The following TMEM232 variants were observed in gnomAD, a reference collection of about 807,000 sequenced individuals.
TMEM232 encodes the protein transmembrane protein 232.
TMEM232 carries 80 observed loss-of-function variants against 78.8 expected under a neutral mutation model. The ratio of observed to expected loss-of-function variants is 1.01; its 90% CI spans 0.85 to 1.22. The LOEUF (loss-of-function observed/expected upper bound fraction) is 1.22. Ranked by LOEUF, TMEM232 falls within the 50% of genes most tolerant of loss-of-function variation. The pLI, the probability that TMEM232 is intolerant of heterozygous loss-of-function variation, is 0.00. For synonymous variants in TMEM232, 297 were observed against 254.3 expected, an observed-to-expected ratio of 1.17 and a Z score of -1.60; for missense variants, 881 against 742.2, an observed-to-expected ratio of 1.19 and a Z score of -2.17.
At chr5:110,678,775 C>T (rs1580632783) in intron 1 of TMEM232, among the ~76,000 whole-genome samples, 1 of 151,106 alleles carries the variant, frequency 6.6e-6, no homozygotes, top group African/African-American at 2.4e-5. Flanking sequence ...TTGAATTAAA[C>T]ACTATGTAGC....
At chr5:110,606,919 A>T (rs192581140) in intron 8 of TMEM232, among the ~76,000 whole-genome samples, 1 of 152,038 alleles carries the variant, frequency 6.6e-6, no homozygotes, top group Non-Finnish European at 1.5e-5. Flanking sequence ...CTAAATGAAA[A>T]ATAGTTTGAA....
chr5:110,701,028 T>G (rs112352728), intron 1 of TMEM232, among the ~76,000 whole-genome samples: 2 of 151,902 alleles, frequency 1.3e-5, no homozygotes, highest in Admixed American at 6.6e-5. Flanking sequence ...ATTCTTTCCT[T>G]TTGGTGCCTT....
chr5:110,564,084 G>A (rs2149669308), intron 11 of TMEM232, among the ~76,000 whole-genome samples: 1 of 151,968 alleles, frequency 6.6e-6, no homozygotes, highest in South Asian at 2.1e-4. Flanking sequence ...TAATAAACTG[G>A]GCAGATTAAA....
chr5:110,464,466 T>C (rs755575563), intron 12 of TMEM232, among the ~76,000 whole-genome samples: 4 of 152,182 alleles, frequency 2.6e-5, no homozygotes, highest in Non-Finnish European at 5.9e-5. Context: ...GCTTCCAGTT[T>C]GTTCAAAATG....
At chr5:110,694,686 C>T (rs907417413) in intron 1 of TMEM232, among the ~76,000 whole-genome samples, 1 of 151,784 alleles carries the variant, frequency 6.6e-6, no homozygotes, top group Non-Finnish European at 1.5e-5. Context: ...TTTAAACCAA[C>T]AAAGATCAAC....
chr5:110,587,819 C>T (rs1779042142), intron 10 of TMEM232, among the ~76,000 whole-genome samples: 1 of 148,074 alleles, frequency 6.8e-6, no homozygotes, highest in Non-Finnish European at 1.5e-5. Context: ...TTTTAGGAAT[C>T]TAAAAAATAG....
intron 12 of TMEM232, among the ~76,000 whole-genome samples, chr5:110,471,439 A>G (rs1762669963): frequency 6.6e-6 from 1 of 152,104 alleles, no homozygotes; most frequent in South Asian, 2.1e-4. Context: ...ACCAAAGAGG[A>G]CTTCACTTAG....
At chr5:110,683,926 T>C (rs923449412) in intron 1 of TMEM232, among the ~76,000 whole-genome samples, 3 of 151,990 alleles carry the variant, frequency 2.0e-5, no homozygotes, top group African/African-American at 7.2e-5. Flanking sequence ...GACCATAACA[T>C]TGGTGTATTG....
Position 110,492,787 on chromosome 5 carries a change from A to C in TMEM232, c.1703+35801T>G, listed in dbSNP as rs370534154. Among the ~76,000 whole-genome samples the C allele has an allele frequency of 9.9e-5, 15 of 152,140 alleles. No homozygotes were observed. In the South Asian group the frequency reaches 2.1e-3, roughly 21 times the overall value. On this transcript the variant is annotated intron_variant, in intron 12 of 13. Transcript: ENST00000455884. ...TTAGAGATTCTAGAAAATTGATTAT[A>C]TATAAGGTAATTAGACCAAAATATA...
At chr5:110,678,888 T>C (rs1445740124) in intron 1 of TMEM232, among the ~76,000 whole-genome samples, 1 of 152,214 alleles carries the variant, frequency 6.6e-6, no homozygotes, top group African/African-American at 2.4e-5. Flanking sequence ...AATAATATTC[T>C]ACCATACTGA....
intron 4 of TMEM232, among the ~76,000 whole-genome samples, chr5:110,639,066 T>C (rs1786308215): frequency 6.6e-6 from 1 of 151,992 alleles, no homozygotes; most frequent in African/African-American, 2.4e-5. Flanking sequence ...TACAGGGACT[T>C]GAGGAAAGAA....
chr5:110,635,042 A>C (rs1465884997), intron 5 of TMEM232, among the ~76,000 whole-genome samples: 3 of 152,094 alleles, frequency 2.0e-5, no homozygotes, highest in Non-Finnish European at 4.4e-5. Context: ...AAAGATCATC[A>C]GAGACTATTG....
chr5:110,498,423 G>C (rs1025688562), intron 12 of TMEM232, among the ~76,000 whole-genome samples: 1 of 152,068 alleles, frequency 6.6e-6, no homozygotes, highest in Non-Finnish European at 1.5e-5. Flanking sequence ...TTTCACATGG[G>C]AGCCTTAACA....
upstream of TMEM232, chr5:110,738,112 T>G (rs1226663272): frequency 1.4e-6 from 1 of 729,054 alleles, no homozygotes; most frequent in African/African-American, 1.9e-5. Context: ...GAACTGCACG[T>G]CAGAGTTCTC....
chr5:110,533,107 A>G (rs896239890), intron 11 of TMEM232, among the ~76,000 whole-genome samples: 1 of 151,828 alleles, frequency 6.6e-6, no homozygotes, highest in Middle Eastern at 3.2e-3. Context: ...TTTTTTCACT[A>G]TTCCCCTGCA....
At chr5:110,588,696 G>A (rs536253161) in intron 10 of TMEM232, among the ~76,000 whole-genome samples, 147 of 152,244 alleles carry the variant, frequency 9.7e-4, no homozygotes, top group African/African-American at 2.7e-3. Flanking sequence ...GTAGTGTAAG[G>A]ACAGATCTTT....
chr5:110,548,140 A>G (rs1179421402), intron 11 of TMEM232, among the ~76,000 whole-genome samples: 1 of 150,908 alleles, frequency 6.6e-6, no homozygotes, highest in South Asian at 2.1e-4. Flanking sequence ...CACAGATTCA[A>G]GGATTCAAGG....
chr5:110,708,366 G>T (rs948345788), intron 1 of TMEM232, among the ~76,000 whole-genome samples: 20 of 152,148 alleles, frequency 1.3e-4, no homozygotes, highest in African/African-American at 4.8e-4. Context: ...AGAAAGAAAA[G>T]GACATTAATG....
intron 13 of TMEM232, among the ~76,000 whole-genome samples, chr5:110,424,448 T>C (rs958848443): frequency 6.6e-6 from 1 of 152,176 alleles, no homozygotes; most frequent in African/African-American, 2.4e-5. Context: ...ACAGTCTTTC[T>C]GATCTGTCAA....
Sources: allele counts gnomAD v4.1 joint callset (sites outside exome capture counted in the v4.1 genomes callset), GRCh38; gene constraint gnomAD v4.1.1; transcripts MANE v1.5; gene names NCBI Gene and HGNC (gene_info 2026-07-23, HGNC 2026-07-21).